NIBAN2: variants seen among roughly 807,000 people sequenced by gnomAD.
NIBAN2 encodes the protein protein Niban 2.
In NIBAN2, 36 loss-of-function variants were observed where a neutral mutation model predicts 81.8. The observed-to-expected ratio is 0.44, with a 90% CI of 0.34 to 0.58. The LOEUF is 0.58. Among genes scored for constraint, NIBAN2 ranks in the 20% least tolerant of loss-of-function variants. The pLI is 0.02. For synonymous variants in NIBAN2, 445 were observed against 441.6 expected, an observed-to-expected ratio of 1.01 and a Z score of -0.10; for missense variants, 897 against 1,014.1, an observed-to-expected ratio of 0.88 and a Z score of 1.57.
In NIBAN2 at chr9:127,505,423, G is replaced by A. The variant is rs1836571966; in HGVS notation, c.*1422C>T. The A allele has an allele frequency of 6.6e-6, 1 of 152,662 alleles. No individual in the cohort carries two copies. Among genetic ancestry groups the A allele is most frequent in the South Asian group, 2.1e-4 (1 of 4,834 alleles). 9.5% of individuals were successfully genotyped at this position (152,662 alleles called of 1,614,324 possible). ...CAATACAATATCAGGGAGGGATGAT[G>A]GGAACCCCTCAAAAGGCACTAGAGG... On this transcript the variant is annotated 3_prime_UTR_variant, in exon 14 of 14. Coordinates refer to ENST00000373312, the MANE Select transcript of NIBAN2 (RefSeq NM_022833.4).
intron 8 of NIBAN2, among the ~76,000 whole-genome samples, chr9:127,516,038 T>C (rs1429618895): frequency 6.6e-6 from 1 of 151,632 alleles, no homozygotes; most frequent in Non-Finnish European, 1.5e-5. Context: ...CTTGGGGGGT[T>C]GAAGTGGGAG....
intron 2 of NIBAN2, among the ~76,000 whole-genome samples, chr9:127,529,717 C>T (rs1057103105): frequency 6.6e-5 from 10 of 152,026 alleles, no homozygotes; most frequent in Non-Finnish European, 1.0e-4. Context: ...ATTATTATCA[C>T]TATTTTTATT....
At position 127,559,197 on chromosome 9, in the gene NIBAN2, T is replaced by A. The variant is rs1259325394; in HGVS notation, c.55+9623A>T. On this transcript the variant is annotated intron_variant, in intron 1 of 13. Transcript: ENST00000373312. The surrounding 1 kb of genome is among the most constrained non-coding windows in gnomAD (Gnocchi z 4.0). Reference sequence around the variant, plus strand: ...GAGTTCCATGAGATCAGGGCTCATGTCACTGCTTTGTCCCCAGTTCCCAGC... The same window carrying A: ...GAGTTCCATGAGATCAGGGCTCATGACACTGCTTTGTCCCCAGTTCCCAGC... 6.6e-6 allele frequency among the ~76,000 whole-genome samples: 1 copy of A among 152,152 alleles called. No homozygotes were observed. Among genetic ancestry groups the A allele is most frequent in the African/African-American group, 2.4e-5 (1 of 41,426 alleles).
At chr9:127,515,249 G>A (rs1278893352) in intron 8 of NIBAN2, among the ~76,000 whole-genome samples, 10 of 151,960 alleles carry the variant, frequency 6.6e-5, no homozygotes, top group African/African-American at 1.9e-4. Context: ...GGCCAGGCGC[G>A]GTGGCTCACG....
At position 127,568,833 on chromosome 9, in the gene NIBAN2, G is replaced by C. The variant is rs934889308; in HGVS notation, c.42C>G (p.Arg14=). The C allele has an allele frequency of 3.4e-5, 46 of 1,369,528 alleles. No individual in the cohort carries two copies. The highest frequency in any genetic ancestry group is 4.4e-5 in the Non-Finnish European group (46 of 1,056,430). The allele number at this position is 1,369,528 out of a possible 1,614,324, so 84.8% of individuals were successfully genotyped here. ...VLSTHLDDAR[R]QHIAEKTGKI... is the part of the protein sequence containing the mutation. Reference sequence around the variant, plus strand: ...CGCGACCCTCACCTGCGATGTGCTGGCGCCGGGCGTCGTCCAGGTGCGTGG... The same window carrying C: ...CGCGACCCTCACCTGCGATGTGCTGCCGCCGGGCGTCGTCCAGGTGCGTGG... Residue 14 remains arginine (R), a synonymous_variant, in exon 1 of 14, where the codon CGC becomes CGG. Transcript: ENST00000373312.
intron 1 of NIBAN2, among the ~76,000 whole-genome samples, chr9:127,554,058 G>A (rs1272748604): frequency 6.6e-6 from 1 of 152,160 alleles, no homozygotes; most frequent in Non-Finnish European, 1.5e-5. Context: ...GCCATCTCTG[G>A]GCTAAACTAC....
At chr9:127,553,722 C>T (rs1195456416) in intron 1 of NIBAN2, among the ~76,000 whole-genome samples, 2 of 152,158 alleles carry the variant, frequency 1.3e-5, no homozygotes, top group Non-Finnish European at 2.9e-5. Flanking sequence ...GGACCTGGAG[C>T]TCTGTCTGGC....
intron 2 of NIBAN2, among the ~76,000 whole-genome samples, chr9:127,527,987 A>G (rs1837108739): frequency 6.6e-6 from 1 of 152,154 alleles, no homozygotes; most frequent in Non-Finnish European, 1.5e-5. Flanking sequence ...GGGCTGCAGA[A>G]ACGCCCGGAC....
intron 1 of NIBAN2, among the ~76,000 whole-genome samples, chr9:127,558,662 G>A (rs893874780): frequency 9.9e-5 from 15 of 152,092 alleles, no homozygotes; most frequent in Non-Finnish European, 1.8e-4. Flanking sequence ...CCACCCCAAA[G>A]CTCAAACTCA....
intron 1 of NIBAN2, among the ~76,000 whole-genome samples, chr9:127,562,766 C>G (rs570489311): frequency 6.6e-6 from 1 of 152,300 alleles, no homozygotes; most frequent in African/African-American, 2.4e-5. Context: ...CTGTTTGCCC[C>G]TACAAACCAA....
intron 1 of NIBAN2, chr9:127,561,189 TC>T: frequency 1.0e-6 from 1 of 985,552 alleles, no homozygotes; most frequent in Non-Finnish European, 1.2e-6. Flanking sequence ...CTCCAGGAAC[TC>T]GCTGAATACC....
chr9:127,563,009 G>A lies in NIBAN2; in HGVS notation c.55+5811C>T, dbSNP rs976550717. Among the ~76,000 whole-genome samples, 2 of 152,202 alleles carry A rather than the reference G, an allele frequency of 1.3e-5. No individual in the cohort carries two copies. The highest frequency in any genetic ancestry group is 4.1e-4 in the South Asian group (2 of 4,826). On this transcript the variant is annotated intron_variant, in intron 1 of 13. Coordinates refer to ENST00000373312, the MANE Select transcript of NIBAN2 (RefSeq NM_022833.4). This position sits in a 1 kb window ranked among gnomAD's most constrained non-coding sequence, Gnocchi z 4.1. ...ATGGGAAGTACTCCCAGAGGATGAAGTGGTTATCGCAGGACGGCGGGTGAG... is the reference window on the plus strand; with the variant it reads ...ATGGGAAGTACTCCCAGAGGATGAAATGGTTATCGCAGGACGGCGGGTGAG...
At chr9:127,556,794 G>A (rs1837678999) in intron 1 of NIBAN2, among the ~76,000 whole-genome samples, 1 of 151,630 alleles carries the variant, frequency 6.6e-6, no homozygotes. Flanking sequence ...ACAACCACGG[G>A]CTGGGCGTGG....
intron 1 of NIBAN2, among the ~76,000 whole-genome samples, chr9:127,577,801 A>C (rs917233258): frequency 9.9e-5 from 15 of 152,070 alleles, no homozygotes; most frequent in African/African-American, 3.6e-4. Context: ...CTGCAGCCTC[A>C]AACTCCTGGG....
In NIBAN2 at chr9:127,507,824, A is replaced by G. The variant is rs1168747423; in HGVS notation, c.1654+43T>C. ...GCCACCACTTCTCAGCTGCGCCCCCAGCATCCTCCTGGCAACAGTCCCCAC... is the reference window on the plus strand; with the variant it reads ...GCCACCACTTCTCAGCTGCGCCCCCGGCATCCTCCTGGCAACAGTCCCCAC... On this transcript the variant is annotated intron_variant, in intron 13 of 13. Coordinates refer to ENST00000373312, the MANE Select transcript of NIBAN2 (RefSeq NM_022833.4). The surrounding 1 kb of genome is among the most constrained non-coding windows in gnomAD (Gnocchi z 6.8). 2 of 1,571,724 alleles carry G rather than the reference A, an allele frequency of 1.3e-6. No homozygotes were observed. The highest frequency in any genetic ancestry group is 1.7e-5 in the Admixed American group (1 of 59,914).
chr9:127,554,413 TC>T (rs1245591886), intron 1 of NIBAN2, among the ~76,000 whole-genome samples: 1 of 152,112 alleles, frequency 6.6e-6, no homozygotes, highest in Non-Finnish European at 1.5e-5. Flanking sequence ...TCTTCCCCGC[TC>T]CGGAGCCTGC....
At chr9:127,509,874 T>A in intron 9 of NIBAN2, 1 of 185,910 alleles carries the variant, frequency 5.4e-6, no homozygotes, top group African/African-American at 2.6e-5. Flanking sequence ...CCCTCTCTTC[T>A]GTTAAATTCT....
chr9:127,548,253 C>T (rs933016769), intron 1 of NIBAN2, among the ~76,000 whole-genome samples: 22 of 152,162 alleles, frequency 1.4e-4, no homozygotes, highest in Admixed American at 4.6e-4. Flanking sequence ...CAAGAAACAT[C>T]AATGAAGACT....
rs756590981 is a variant in NIBAN2, at chr9:127,517,891, G to A, written c.640C>T (p.Arg214Cys). ...VEGPAFTDAI[R>C]MYRQSKELYG... ...AGCTCCTTGGACTGTCGGTACATGCGGATGGCATCTGTGAACGCAGGGCCC... is the reference window on the plus strand; with the variant it reads ...AGCTCCTTGGACTGTCGGTACATGCAGATGGCATCTGTGAACGCAGGGCCC... The change falls in exon 6 of 14, where the codon CGC (arginine) becomes TGC (cysteine). Residue 214 changes from arginine to cysteine, a missense_variant. By Grantham distance (180) the Arg-to-Cys change is radical (BLOSUM62 -3). Around this residue, in one of 3 missense-constraint regions of NIBAN2, gnomAD observed 69 missense variants for 114.7 expected, o/e 0.60. Transcript: ENST00000373312. The surrounding 1 kb of genome is among the most constrained non-coding windows in gnomAD (Gnocchi z 4.0). 6.8e-6 allele frequency: 11 copies of A among 1,613,362 alleles called. No homozygotes were observed. Among genetic ancestry groups the A allele is most frequent in the Admixed American group, 5.0e-5 (3 of 59,882 alleles).
Sources: allele counts gnomAD v4.1 joint callset (sites outside exome capture counted in the v4.1 genomes callset), GRCh38; gene constraint gnomAD v4.1.1; regional missense constraint gnomAD v4.1.1; non-coding constraint Gnocchi (gnomAD v3.1); transcripts MANE v1.5; gene names NCBI Gene and HGNC (gene_info 2026-07-23, HGNC 2026-07-21).